RSPH14: variants seen among roughly 807,000 people sequenced by gnomAD.
RSPH14 encodes the protein radial spoke head 14 homolog, also known as rhabdoid tumor deletion region gene 1.
Under a neutral mutation model 26.7 loss-of-function variants are expected in RSPH14, and 20 were observed. The observed-to-expected ratio is 0.75, with a 90% CI of 0.53 to 1.09. The LOEUF (loss-of-function observed/expected upper bound fraction) is 1.09. Ranked by LOEUF, RSPH14 falls within the 50% of genes least tolerant of loss-of-function variation. RSPH14 has a pLI of 0.00. For missense variants in RSPH14, 449 were observed against 457.2 expected, an observed-to-expected ratio of 0.98 and a Z score of 0.16; for synonymous variants, 177 against 189.3, an observed-to-expected ratio of 0.93 and a Z score of 0.53.
intron 4 of RSPH14, chr22:23,095,674 C>G: frequency 6.3e-7 from 1 of 1,584,640 alleles, no homozygotes; most frequent in Non-Finnish European, 8.6e-7. Flanking sequence ...TGCTCCTTGT[C>G]TGGGCCCGCT....
At chr22:23,160,333 C>T in the RSPH14 span, among the ~76,000 whole-genome samples, 1 of 152,176 alleles carries the variant, frequency 6.6e-6, no homozygotes, top group East Asian at 1.9e-4. Context: ...CTGCCCTATG[C>T]GGTTGTGCAG....
At chr22:23,126,508 TGTCAGGGCTCCAGGGTCGA>T (rs1238233066) in intron 4 of RSPH14, among the ~76,000 whole-genome samples, 1 of 152,240 alleles carries the variant, frequency 6.6e-6, no homozygotes, top group Non-Finnish European at 1.5e-5. Flanking sequence ...GCATTCCATC[TGTCAGGGCTCCAGGGTCGA>T]GTGGGAAGGG....
intron 4 of RSPH14, among the ~76,000 whole-genome samples, chr22:23,068,564 C>T (rs1458600338): frequency 6.6e-6 from 1 of 152,228 alleles, no homozygotes; most frequent in Non-Finnish European, 1.5e-5. Flanking sequence ...AGGGAGGTGT[C>T]AGCCAGCCCC....
At chr22:23,124,240 C>T (rs1215696251) in intron 4 of RSPH14, 5 of 147,522 alleles carry the variant, frequency 3.4e-5, no homozygotes, top group East Asian at 2.1e-4. Flanking sequence ...GGCCAAATCT[C>T]GTGGTGTTTC....
chr22:23,166,884 C>T, the RSPH14 span, among the ~76,000 whole-genome samples: 1 of 152,146 alleles, frequency 6.6e-6, no homozygotes, highest in African/African-American at 2.4e-5. Flanking sequence ...AGTGGGGTGC[C>T]TCCTGGGGGA....
chr22:23,113,730 C>T (rs1321876127), intron 4 of RSPH14, among the ~76,000 whole-genome samples: 2 of 152,236 alleles, frequency 1.3e-5, no homozygotes, highest in Non-Finnish European at 2.9e-5. Context: ...CTCGCCCTCT[C>T]CCCACTAGAG....
intron 4 of RSPH14, among the ~76,000 whole-genome samples, chr22:23,125,862 C>A (rs1477948019): frequency 6.6e-6 from 1 of 152,114 alleles, no homozygotes; most frequent in Non-Finnish European, 1.5e-5. Context: ...CACCCTGCAG[C>A]CTCCTCCTCA....
At chr22:23,098,653 T>A (rs997165455) in intron 4 of RSPH14, among the ~76,000 whole-genome samples, 1 of 152,216 alleles carries the variant, frequency 6.6e-6, no homozygotes, top group Non-Finnish European at 1.5e-5. Flanking sequence ...AAATTCTTGA[T>A]GAGAAACCCA....
intron 4 of RSPH14, among the ~76,000 whole-genome samples, chr22:23,129,958 AAGAG>A (rs1027927376): frequency 1.3e-5 from 2 of 150,512 alleles, no homozygotes; most frequent in Admixed American, 6.6e-5. Context: ...AGGAGAAAGA[AAGAG>A]AGAGGAAGAA....
At chr22:23,085,820 G>A (rs1034218821) in intron 4 of RSPH14, among the ~76,000 whole-genome samples, 7 of 152,220 alleles carry the variant, frequency 4.6e-5, no homozygotes, top group Non-Finnish European at 8.8e-5. Context: ...CTAGGAGGTG[G>A]CCTAAGGCCA....
At chr22:23,144,414 A>G (rs2070673279), upstream of RSPH14, among the ~76,000 whole-genome samples, 1 of 152,234 alleles carries the variant, frequency 6.6e-6, no homozygotes, top group African/African-American at 2.4e-5. Context: ...TTTACAGTAT[A>G]AAAGCACTTT....
chr22:23,063,518 G>A (rs1286766789), intron 5 of RSPH14, among the ~76,000 whole-genome samples: 1 of 152,198 alleles, frequency 6.6e-6, no homozygotes, highest in Admixed American at 6.5e-5. Context: ...CACCTGTGAA[G>A]GCAGACATCA....
At chr22:23,063,693 G>A (rs540661345) in intron 5 of RSPH14, among the ~76,000 whole-genome samples, 2 of 152,226 alleles carry the variant, frequency 1.3e-5, no homozygotes, top group East Asian at 3.9e-4. Flanking sequence ...AGGCTGAGGG[G>A]TTTCCTGGGA....
the RSPH14 span, among the ~76,000 whole-genome samples, chr22:23,176,399 A>G: frequency 6.6e-6 from 1 of 152,228 alleles, no homozygotes; most frequent in Admixed American, 6.5e-5. Flanking sequence ...TTTGCTTGAT[A>G]CACCGCTTCC....
chr22:23,073,407 G>T (rs2146245900), intron 4 of RSPH14, among the ~76,000 whole-genome samples: 1 of 152,358 alleles, frequency 6.6e-6, no homozygotes. Flanking sequence ...GGACGTGGGA[G>T]CACCCAGACT....
In RSPH14 at chr22:23,141,920, G is replaced by A. The variant is rs969502166; in HGVS notation, c.-53+29C>T. The A allele has an allele frequency of 1.6e-5, 15 of 966,236 alleles. No homozygotes were observed. The African/African-American group carries it at 2.3e-4, about 15-fold the overall frequency. 59.9% of individuals were successfully genotyped at this position (966,236 alleles called of 1,614,324 possible). On this transcript the variant is annotated intron_variant, in intron 1 of 6. Transcript: ENST00000216036. ...TGGGTCACTGGGCCCCCCTGTCCCC[G>A]GGCCCCTAGCCCACCACCGCCGCCT...
upstream of RSPH14, among the ~76,000 whole-genome samples, chr22:23,148,041 A>T (rs1211101917): frequency 6.6e-6 from 1 of 152,104 alleles, no homozygotes; most frequent in African/African-American, 2.4e-5. Context: ...GTGCAGAGGG[A>T]TAGATCCTCT....
the RSPH14 span, among the ~76,000 whole-genome samples, chr22:23,172,391 G>C: frequency 1.3e-5 from 2 of 149,428 alleles, no homozygotes; most frequent in East Asian, 3.9e-4. Flanking sequence ...ACTCCAGCCT[G>C]GGTGACAGAG....
chr22:23,134,067 T>G lies in RSPH14; in HGVS notation c.380A>C (p.Asn127Thr). The change falls in exon 4 of 7, where the codon AAC becomes ACC. Residue 127 changes from asparagine to threonine, a missense_variant. Physicochemically the swap from Asn to Thr is moderately conservative, Grantham distance 65. Coordinates refer to ENST00000216036, the MANE Select transcript of RSPH14 (RefSeq NM_014433.3). Reference protein sequence around the residue: ...LNDPSPVCRGNLYKAYMQLVQ... With the variant: ...LNDPSPVCRGTLYKAYMQLVQ... The stretch of plus-strand genomic sequence containing the variant: ...CAGCTGCATGTATGCCTTGTACAGG[T>G]TCCCCCGGCAGACTGGGCTGGGGTC... 1.2e-6 allele frequency: 2 copies of G among 1,613,706 alleles called. No individual in the cohort carries two copies. Among genetic ancestry groups the G allele is most frequent in the Non-Finnish European group, 1.7e-6 (2 of 1,179,770 alleles).
Sources: gnomAD v4.1 joint callset for allele counts (sites outside exome capture counted in the v4.1 genomes callset) on GRCh38, gnomAD v4.1.1 for gene constraint, MANE v1.5 for transcripts, NCBI Gene and HGNC (gene_info 2026-07-23, HGNC 2026-07-21) for gene names.